SOX6: variants seen among roughly 807,000 people sequenced by gnomAD.
SOX6 encodes the protein SRY-box transcription factor 6.
In SOX6, 11 loss-of-function variants were observed where a neutral mutation model predicts 97.8. The ratio of observed to expected loss-of-function variants is 0.11; its 90% CI spans 0.07 to 0.19. The LOEUF (loss-of-function observed/expected upper bound fraction) is 0.19. Ranked by LOEUF, SOX6 falls within the 10% of genes least tolerant of loss-of-function variation. SOX6 has a pLI of 1.00. For missense variants in SOX6, 810 were observed against 1,039.5 expected, an observed-to-expected ratio of 0.78 and a Z score of 3.04; for synonymous variants, 360 against 371.4, an observed-to-expected ratio of 0.97 and a Z score of 0.35.
intron 11 of SOX6, among the ~76,000 whole-genome samples, chr11:16,049,526 G>A (rs1201895330): frequency 2.6e-5 from 4 of 152,156 alleles, no homozygotes; most frequent in Non-Finnish European, 2.9e-5. Context: ...TTGCTGGATC[G>A]AACTCATTAT....
chr11:16,454,315 A>G (rs1344975078), intron 1 of SOX6, among the ~76,000 whole-genome samples: 3 of 152,108 alleles, frequency 2.0e-5, no homozygotes, highest in African/African-American at 4.8e-5. Context: ...GTAAAATTAT[A>G]TGACACCTCA....
intron 6 of SOX6, among the ~76,000 whole-genome samples, chr11:16,120,122 T>G: frequency 1.6e-5 from 2 of 123,438 alleles, no homozygotes; most frequent in Admixed American, 8.5e-5. Flanking sequence ...CCCCACCCCT[T>G]TCTCTCTCTC....
chr11:16,636,659 C>T (rs1848794971), intron 3 of SOX6, among the ~76,000 whole-genome samples: 1 of 152,142 alleles, frequency 6.6e-6, no homozygotes, highest in Admixed American at 6.6e-5. Context: ...CCCCAAATTT[C>T]ATCTTAAACT....
chr11:16,022,024 A>G (rs1855073494), intron 12 of SOX6, among the ~76,000 whole-genome samples: 1 of 152,108 alleles, frequency 6.6e-6, no homozygotes, highest in African/African-American at 2.4e-5. Context: ...TTGAATAATA[A>G]CTCTAGATTA....
chr11:16,253,517 G>C (rs1315070982), intron 3 of SOX6, among the ~76,000 whole-genome samples: 2 of 152,082 alleles, frequency 1.3e-5, no homozygotes, highest in African/African-American at 4.8e-5. Context: ...AATGTGAGCA[G>C]AGAGACATAA....
chr11:16,621,017 T>C (rs1391522236), intron 3 of SOX6, among the ~76,000 whole-genome samples: 5 of 152,216 alleles, frequency 3.3e-5, no homozygotes, highest in Non-Finnish European at 5.9e-5. Context: ...GTGAACTTTC[T>C]CATTCTGCTT....
At chr11:16,684,877 A>G (rs1447373994) in intron 3 of SOX6, among the ~76,000 whole-genome samples, 2 of 152,226 alleles carry the variant, frequency 1.3e-5, no homozygotes, top group South Asian at 2.1e-4. Flanking sequence ...TGGTGCCAGC[A>G]TCTGCTTATC....
intron 4 of SOX6, among the ~76,000 whole-genome samples, chr11:16,595,415 T>C (rs904752960): frequency 6.6e-6 from 1 of 151,948 alleles, no homozygotes; most frequent in African/African-American, 2.4e-5. Context: ...GCTTCCAAAC[T>C]AAAAATATGA....
chr11:16,256,921 C>T (rs540515272), intron 3 of SOX6, among the ~76,000 whole-genome samples: 1 of 151,652 alleles, frequency 6.6e-6, no homozygotes, highest in East Asian at 1.9e-4. Flanking sequence ...TTAGCAAAGA[C>T]CAAGTGGAAT....
At chr11:16,226,347 T>C (rs563939075) in intron 4 of SOX6, among the ~76,000 whole-genome samples, 2 of 151,720 alleles carry the variant, frequency 1.3e-5, no homozygotes, top group Admixed American at 6.6e-5. Context: ...GTTTTTTTTT[T>C]CTCTCTTATC....
At chr11:16,428,855 C>A (rs892948925) in intron 1 of SOX6, among the ~76,000 whole-genome samples, 7 of 152,046 alleles carry the variant, frequency 4.6e-5, no homozygotes, top group African/African-American at 1.7e-4. Flanking sequence ...TTTTCCAATT[C>A]TATGAAGAAA....
At chr11:16,264,225 T>G (rs1853999187) in intron 3 of SOX6, among the ~76,000 whole-genome samples, 1 of 151,976 alleles carries the variant, frequency 6.6e-6, no homozygotes, top group Non-Finnish European at 1.5e-5. Flanking sequence ...ACCCATCATC[T>G]CTAGATAACC....
In SOX6 at chr11:16,014,987, G is replaced by A. The variant is rs771219119; in HGVS notation, c.1687C>T (p.Leu563=). The A allele has an allele frequency of 1.9e-6, 3 of 1,612,888 alleles. No homozygotes were observed. The highest frequency in any genetic ancestry group is 1.7e-5 in the Admixed American group (1 of 59,840). The change falls in exon 13 of 16, where the codon CTG becomes TTG. Residue 563 remains leucine, a synonymous_variant. Transcript: ENST00000683767. Reference sequence around the variant, plus strand: ...GTAAGGTCGATGACACCTGGGCCCAGTTTTCCATCTTCATTTGACTTTCCC... The same window carrying A: ...GTAAGGTCGATGACACCTGGGCCCAATTTTCCATCTTCATTTGACTTTCCC... ...LTGKSNEDGK[L]GPGVIDLTRP...
chr11:16,521,904 T>G (rs545523936), intron 4 of SOX6, among the ~76,000 whole-genome samples: 5 of 151,814 alleles, frequency 3.3e-5, no homozygotes, highest in Non-Finnish European at 7.4e-5. Context: ...ACGAATGAAA[T>G]GAAGCGAGAA....
chr11:16,324,004 A>G (rs297355), intron 2 of SOX6, among the ~76,000 whole-genome samples: 131,750 of 151,896 alleles, frequency 0.87, 57,593 homozygotes, highest in Non-Finnish European at 0.92. Context: ...GCAACATAGC[A>G]AGACCCCATC....
rs77343447 is a variant in SOX6, at chr11:16,504,044, AAAATAAATAAATAAATAAATAAATAAAT to A, written n.610-27684_610-27657del. ...GGCAACAGAGTGAAACTCCATCTCA[AAAATAAATAAATAAATAAATAAATAAAT>A]AAATAAATAAATAAATAAATAAATA... On this transcript the variant is annotated intron_variant and non_coding_transcript_variant, in intron 4 of 5. Transcript: ENST00000524520. Among the ~76,000 whole-genome samples, 22 of 139,602 alleles carry A rather than the reference AAAATAAATAAATAAATAAATAAATAAAT, an allele frequency of 1.6e-4. No homozygotes were observed. In the South Asian group the frequency reaches 2.4e-3, roughly 15 times the overall value. The allele number at this position is 139,602 out of a possible 152,430, so 91.6% of individuals were successfully genotyped here. A position where few individuals can be genotyped will look rare whatever the true frequency, so the allele number is the denominator to read the frequency against.
intron 9 of SOX6, among the ~76,000 whole-genome samples, chr11:16,079,033 G>C (rs1590181930): frequency 1.3e-5 from 2 of 151,998 alleles, no homozygotes; most frequent in East Asian, 3.9e-4. Flanking sequence ...CTGAGTTTCT[G>C]AGTTTCTACG....
chr11:16,502,198 A>AAACTACTGCAAGGACAAAAAACC (rs1299666166), intron 4 of SOX6, among the ~76,000 whole-genome samples: 2 of 152,192 alleles, frequency 1.3e-5, no homozygotes. Context: ...CATTCTCAGC[A>AAACTACTGCAAGGACAAAAAACC]AACTACTGCA....
chr11:16,111,732 G>T, intron 7 of SOX6, 71 bp downstream of exon 7: 2 of 1,572,864 alleles, frequency 1.3e-6, no homozygotes, highest in African/African-American at 1.3e-5. Flanking sequence ...TCCTGTGTTT[G>T]TTGTGAGTAC....
Sources: gnomAD v4.1 joint callset for allele counts (sites outside exome capture counted in the v4.1 genomes callset) on GRCh38, gnomAD v4.1.1 for gene constraint, MANE v1.5 for transcripts, NCBI Gene and HGNC (gene_info 2026-07-23, HGNC 2026-07-21) for gene names.